TEC: variants seen among roughly 807,000 people sequenced by gnomAD.
TEC encodes the protein tec protein tyrosine kinase.
In TEC, 72 loss-of-function variants were observed where a neutral mutation model predicts 93.0. The ratio of observed to expected loss-of-function variants is 0.77; its 90% CI spans 0.64 to 0.94. The LOEUF (loss-of-function observed/expected upper bound fraction) is 0.94. Ranked by LOEUF, TEC falls within the 40% of genes least tolerant of loss-of-function variation. The pLI is 0.00. For missense variants in TEC, 630 were observed against 757.9 expected (o/e 0.83, Z 1.98); for synonymous variants, 249 against 247.7 (o/e 1.01, Z -0.05).
chr4:48,215,702 C>A lies in TEC; in HGVS notation c.138+12775G>T, dbSNP rs1198044605. 2.0e-5 allele frequency among the ~76,000 whole-genome samples: 3 copies of A among 152,196 alleles called. No homozygotes were observed. The East Asian group carries it at 5.8e-4, about 29-fold the overall frequency. ...GGTAACCCTGTCGTAAGACAAAGAG[C>A]ATCGGTATTTGCAAGCAAAGGAGTC... On this transcript the variant is annotated intron_variant, in intron 2 of 17. Coordinates refer to ENST00000381501, the MANE Select transcript of TEC (RefSeq NM_003215.3).
At chr4:48,206,518 C>T (rs1722721091) in intron 2 of TEC, among the ~76,000 whole-genome samples, 1 of 151,994 alleles carries the variant, frequency 6.6e-6, no homozygotes. Flanking sequence ...TCGATAGAGA[C>T]TAAATGTCAA....
chr4:48,161,612 T>C (rs1255208909), intron 8 of TEC, among the ~76,000 whole-genome samples: 1 of 151,846 alleles, frequency 6.6e-6, no homozygotes, highest in Non-Finnish European at 1.5e-5. Context: ...TTTTTTTTTT[T>C]TTTTTAATAC....
chr4:48,241,944 T>C (rs773334073), intron 1 of TEC, among the ~76,000 whole-genome samples: 5 of 152,238 alleles, frequency 3.3e-5, no homozygotes, highest in African/African-American at 7.2e-5. Context: ...TTAGGAACCA[T>C]GCATGAGGCA....
chr4:48,141,936 G>A (rs755206323), intron 14 of TEC, among the ~76,000 whole-genome samples: 2 of 152,020 alleles, frequency 1.3e-5, no homozygotes, highest in Non-Finnish European at 2.9e-5. Flanking sequence ...TTATAGTCAC[G>A]AGCAACCTCA....
At chr4:48,243,625 T>C (rs1577667474) in intron 1 of TEC, among the ~76,000 whole-genome samples, 1 of 152,174 alleles carries the variant, frequency 6.6e-6, no homozygotes, top group East Asian at 1.9e-4. Context: ...AAGATACTCA[T>C]ACCCTAGTAA....
intron 2 of TEC, among the ~76,000 whole-genome samples, chr4:48,183,175 T>A (rs1020631423): frequency 3.1e-4 from 47 of 152,218 alleles, no homozygotes; most frequent in Non-Finnish European, 6.0e-4. Context: ...TTATAAGCCA[T>A]ACGACCTAGG....
rs777374319 is a variant in TEC, at chr4:48,167,931, G to A, written c.518C>T (p.Pro173Leu). The A allele has an allele frequency of 1.9e-6, 3 of 1,613,678 alleles. No individual in the cohort carries two copies. The highest frequency in any genetic ancestry group is 2.2e-5 in the East Asian group (1 of 44,856). The part of the protein sequence containing the change: ...TKKRRPPPPI[P>L]LEEEDNSEEI... Reference sequence around the variant, plus strand: ...TTCACTATTATCTTCTTCTTCTAGTGGAATTGGTGGGGGAGGCCTTCGCTA... The same window carrying A: ...TTCACTATTATCTTCTTCTTCTAGTAGAATTGGTGGGGGAGGCCTTCGCTA... The change falls in exon 7 of 18, where the codon CCA (proline) becomes CTA (leucine). Residue 173 changes from proline (P) to leucine (L), a missense_variant. Around this residue, in one of 3 missense-constraint regions of TEC, gnomAD observed 335 missense variants for 351.5 expected, o/e 0.95. Transcript: ENST00000381501.
At chr4:48,190,174 T>TTC (rs1722042786) in intron 2 of TEC, among the ~76,000 whole-genome samples, 1 of 152,244 alleles carries the variant, frequency 6.6e-6, no homozygotes, top group Admixed American at 6.5e-5. Context: ...CAATACTGTC[T>TTC]GAAATGCCAG....
chr4:48,225,047 ATT>A (rs1723398100), intron 2 of TEC, among the ~76,000 whole-genome samples: 1 of 152,306 alleles, frequency 6.6e-6, no homozygotes, highest in African/African-American at 2.4e-5. Flanking sequence ...CTCTAGGGCT[ATT>A]TTATTTCTGA....
chr4:48,194,555 C>T (rs1331295837), intron 2 of TEC, among the ~76,000 whole-genome samples: 1 of 152,178 alleles, frequency 6.6e-6, no homozygotes, highest in Non-Finnish European at 1.5e-5. Context: ...AACATTCCCT[C>T]CTTGTTTTCA....
At position 48,156,708 on chromosome 4, in the gene TEC, C is replaced by T. The variant is rs138464079; in HGVS notation, c.764G>A (p.Ser255Asn). Residue 255 changes from serine to asparagine, a missense_variant, in exon 9 of 18, where the codon AGC (serine) becomes AAC (asparagine). Coordinates refer to ENST00000381501, the MANE Select transcript of TEC (RefSeq NM_003215.3). ...ACTGCGGAGGAGTTGCTCTGCCTTG[C>T]TTCTATTCATATTTCTGCAATACCA... Reference protein sequence around the residue: ...YEWYCRNMNRSKAEQLLRSED... With the variant: ...YEWYCRNMNRNKAEQLLRSED... The T allele has an allele frequency of 1.2e-6, 2 of 1,612,120 alleles. No homozygotes were observed. Among genetic ancestry groups the T allele is most frequent in the Non-Finnish European group, 8.5e-7 (1 of 1,179,406 alleles).
chr4:48,207,792 T>TA (rs984615283), intron 2 of TEC, among the ~76,000 whole-genome samples: 1 of 151,774 alleles, frequency 6.6e-6, no homozygotes, highest in Admixed American at 6.6e-5. Flanking sequence ...CGTCTCAAAA[T>TA]AAAAAAACAA....
intron 2 of TEC, among the ~76,000 whole-genome samples, chr4:48,186,436 C>A (rs554237474): frequency 2.0e-5 from 3 of 150,954 alleles, no homozygotes; most frequent in South Asian, 2.1e-4. Context: ...GGCCGCCCAT[C>A]GTCTGAGATG....
chr4:48,233,871 A>T (rs2109646899), intron 1 of TEC, among the ~76,000 whole-genome samples: 1 of 152,178 alleles, frequency 6.6e-6, no homozygotes. Context: ...GAACTCACTC[A>T]GAAAGTTCAG....
At chr4:48,257,886 T>C (rs1724387752) in intron 1 of TEC, among the ~76,000 whole-genome samples, 1 of 152,186 alleles carries the variant, frequency 6.6e-6, no homozygotes, top group African/African-American at 2.4e-5. Flanking sequence ...TTTCTTTAAA[T>C]CCATTAGGTC....
rs147104765 is a variant in TEC, at chr4:48,147,481, T to C, written c.1007-1082A>G. ...GGAAGTCCATCACAGCAATAAACATTAATGGCAATTTACATTGTCTAGAAT... is the reference window on the plus strand; with the variant it reads ...GGAAGTCCATCACAGCAATAAACATCAATGGCAATTTACATTGTCTAGAAT... On this transcript the variant is annotated intron_variant, in intron 11 of 17. Transcript: ENST00000381501. 9.5e-3 allele frequency among the ~76,000 whole-genome samples: 1,447 copies of C among 152,280 alleles called. 17 individuals carry two copies. The highest frequency in any genetic ancestry group is 0.015 in the Non-Finnish European group (1,010 of 68,002).
At chr4:48,241,709 C>T (rs1431282280) in intron 1 of TEC, among the ~76,000 whole-genome samples, 1 of 152,168 alleles carries the variant, frequency 6.6e-6, no homozygotes, top group Non-Finnish European at 1.5e-5. Context: ...TCTAACACAG[C>T]AGAAGTTTAC....
At chr4:48,138,412 A>G (rs1719517577) in intron 17 of TEC, among the ~76,000 whole-genome samples, 1 of 152,236 alleles carries the variant, frequency 6.6e-6, no homozygotes, top group African/African-American at 2.4e-5. Context: ...TATCTCAGGC[A>G]ACCATGGAAG....
At chr4:48,169,059 C>T (rs1345596477) in intron 5 of TEC, among the ~76,000 whole-genome samples, 1 of 152,176 alleles carries the variant, frequency 6.6e-6, no homozygotes, top group Non-Finnish European at 1.5e-5. Context: ...CTAGGTGTGG[C>T]AATGGGACCA....
Sources: gnomAD v4.1 joint callset for allele counts (sites outside exome capture counted in the v4.1 genomes callset) on GRCh38, gnomAD v4.1.1 for gene constraint, gnomAD v4.1.1 regional missense constraint, MANE v1.5 for transcripts, NCBI Gene and HGNC (gene_info 2026-07-23, HGNC 2026-07-21) for gene names.